Variants in ROBO2 observed in about 807,000 individuals in gnomAD.
The protein encoded by ROBO2 is roundabout guidance receptor 2, also known as roundabout homolog 2.
ROBO2 carries 53 observed loss-of-function variants against 160.8 expected under a neutral mutation model. The ratio of observed to expected loss-of-function variants is 0.33; its 90% CI spans 0.26 to 0.41. The LOEUF is 0.41. Among genes scored for constraint, ROBO2 ranks in the 10% least tolerant of loss-of-function variants. The pLI is 1.00. For synonymous variants in ROBO2, 664 were observed against 611.7 expected (o/e 1.09, Z -1.26); for missense variants, 1,577 against 1,722.4 (o/e 0.92, Z 1.49).
In ROBO2 at chr3:76,550,309, C is replaced by T. The variant is rs560280451; in HGVS notation, c.110-547705C>T. On this transcript the variant is annotated intron_variant, in intron 2 of 26. Coordinates refer to the ROBO2 transcript ENST00000487694. ...GAAAAGCAAAAATATGTGATAATGC[C>T]TTCTAAATATTTCCAGTTAGCATGT... is the stretch of plus-strand genomic sequence containing the variant. Among the ~76,000 whole-genome samples, 13 of 149,126 alleles carry T rather than the reference C, an allele frequency of 8.7e-5. No individual in the cohort carries two copies. The South Asian group carries it at 2.0e-3, about 23-fold the overall frequency.
intron 1 of ROBO2, among the ~76,000 whole-genome samples, chr3:75,915,679 T>C (rs1013751298): frequency 2.0e-5 from 3 of 152,146 alleles, no homozygotes; most frequent in African/African-American, 7.2e-5. Context: ...AGGACTCATG[T>C]TGAGGTGGCA....
At chr3:76,699,506 A>G (rs999249183) in intron 2 of ROBO2, among the ~76,000 whole-genome samples, 8 of 152,104 alleles carry the variant, frequency 5.3e-5, no homozygotes, top group African/African-American at 1.9e-4. Flanking sequence ...TGTACAAAAG[A>G]TCCCCATATT....
intron 2 of ROBO2, among the ~76,000 whole-genome samples, chr3:77,337,530 A>AT (rs1553914624): frequency 6.6e-6 from 1 of 152,180 alleles, no homozygotes; most frequent in Non-Finnish European, 1.5e-5. Context: ...AGTTTACAAT[A>AT]TTTTTCAAAA....
At chr3:76,224,746 C>CTTGTT (rs1260248125) in intron 2 of ROBO2, among the ~76,000 whole-genome samples, 1 of 151,812 alleles carries the variant, frequency 6.6e-6, no homozygotes, top group African/African-American at 2.4e-5. Flanking sequence ...CATTCCTGTT[C>CTTGTT]TTCTAGACTC....
rs1450397759 is a variant in ROBO2, at chr3:77,574,481, C to G, written c.1972-18C>G. Reference sequence around the variant, plus strand: ...ATACTTTCCTTTAGTTTCAAATGCCCTTAACTATGTTTTTCAGGTTGATCG... The same window carrying G: ...ATACTTTCCTTTAGTTTCAAATGCCGTTAACTATGTTTTTCAGGTTGATCG... On this transcript the variant is annotated intron_variant, in intron 13 of 25. Coordinates refer to ENST00000461745, the Ensembl canonical transcript of ROBO2. 6.2e-7 allele frequency: 1 copy of G among 1,603,426 alleles called. No individual in the cohort carries two copies. Among genetic ancestry groups the G allele is most frequent in the Non-Finnish European group, 8.5e-7 (1 of 1,170,858 alleles).
At chr3:76,469,178 G>T (rs1232785095) in intron 2 of ROBO2, among the ~76,000 whole-genome samples, 2 of 151,896 alleles carry the variant, frequency 1.3e-5, no homozygotes, top group Non-Finnish European at 2.9e-5. Context: ...TTTTGAATCT[G>T]TCTGCTCTCC....
Position 76,524,826 on chromosome 3 carries a change from T to TAAAAA in ROBO2, c.110-573152_110-573148dup, listed in dbSNP as rs58091252. 1.5e-3 allele frequency among the ~76,000 whole-genome samples: 32 copies of TAAAAA among 21,712 alleles called. 2 individuals are homozygous for TAAAAA. Among genetic ancestry groups the TAAAAA allele is most frequent in the African/African-American group, 1.7e-3 (12 of 7,036 alleles). 14.2% of individuals were successfully genotyped at this position (21,712 alleles called of 152,430 possible). A position where few individuals can be genotyped will look rare whatever the true frequency, so the allele number is the denominator to read the frequency against. Reference sequence around the variant, plus strand: ...TAAAAACCTATGACCCTCTTATTCCTAAAAAAAAAAAAAAAAAAAAAAAAA... The same window carrying TAAAAA: ...TAAAAACCTATGACCCTCTTATTCCTAAAAAAAAAAAAAAAAAAAAAAAAAAAAAA... On this transcript the variant is annotated intron_variant, in intron 2 of 26. Coordinates refer to the ROBO2 transcript ENST00000487694.
chr3:77,096,784 C>G (rs2071131320), intron 1 of ROBO2, among the ~76,000 whole-genome samples: 1 of 152,100 alleles, frequency 6.6e-6, no homozygotes, highest in South Asian at 2.1e-4. Flanking sequence ...TATGGCCCCA[C>G]TTTTATTGCA....
At chr3:77,134,889 A>T (rs1266754561) in intron 2 of ROBO2, among the ~76,000 whole-genome samples, 1 of 152,208 alleles carries the variant, frequency 6.6e-6, no homozygotes, top group African/African-American at 2.4e-5. Context: ...ATTTTCCTCT[A>T]CTGTGGATCA....
intron 2 of ROBO2, among the ~76,000 whole-genome samples, chr3:75,983,909 G>A (rs1028725393): frequency 6.6e-6 from 1 of 151,302 alleles, no homozygotes; most frequent in African/African-American, 2.4e-5. Context: ...CTTATTTTTG[G>A]CAGGGCTAAG....
intron 24 of ROBO2, 59 bp from the exon 27 acceptor site, chr3:77,644,645 G>A (rs2095393033): frequency 2.7e-6 from 4 of 1,477,058 alleles, no homozygotes; most frequent in East Asian, 2.3e-5. Flanking sequence ...CAAGAGTTAA[G>A]TTTAGTTTGC....
intron 2 of ROBO2, among the ~76,000 whole-genome samples, chr3:77,352,532 C>G (rs1444959632): frequency 6.6e-6 from 1 of 151,860 alleles, no homozygotes; most frequent in Non-Finnish European, 1.5e-5. Context: ...CTACGACATG[C>G]TTTTCTTGTT....
intron 2 of ROBO2, among the ~76,000 whole-genome samples, chr3:76,454,399 A>G (rs1443352666): frequency 6.6e-6 from 1 of 152,206 alleles, no homozygotes; most frequent in African/African-American, 2.4e-5. Context: ...ATTAGCATAG[A>G]TGGAGGTGTA....
intron 2 of ROBO2, among the ~76,000 whole-genome samples, chr3:76,361,728 A>T (rs1047867884): frequency 6.6e-6 from 1 of 152,128 alleles, no homozygotes; most frequent in Non-Finnish European, 1.5e-5. Flanking sequence ...TAGTATCTTC[A>T]TAAGAAATTC....
chr3:77,151,381 C>T lies in ROBO2; in HGVS notation c.388+53041C>T, dbSNP rs544904891. Among the ~76,000 whole-genome samples the T allele has an allele frequency of 7.9e-5, 12 of 152,194 alleles. No homozygotes were observed. In the South Asian group the frequency reaches 1.9e-3, roughly 24 times the overall value. ...GGTCTTCAGTGATAAATAGGAATCC[C>T]TTACTTAAGGGAGATGAAGTTTATT... is the stretch of plus-strand genomic sequence containing the variant. On this transcript the variant is annotated intron_variant, in intron 2 of 25. Coordinates refer to ENST00000461745, the Ensembl canonical transcript of ROBO2.
intron 2 of ROBO2, among the ~76,000 whole-genome samples, chr3:77,197,485 A>G (rs2082412601): frequency 6.6e-6 from 1 of 152,204 alleles, no homozygotes; most frequent in African/African-American, 2.4e-5. Context: ...AACAAGTTTG[A>G]TTATGGAATC....
At chr3:76,938,370 A>C (rs2077888124) in intron 2 of ROBO2, among the ~76,000 whole-genome samples, 1 of 128,196 alleles carries the variant, frequency 7.8e-6, no homozygotes, top group Non-Finnish European at 1.8e-5. Flanking sequence ...CCCCCCCCAA[A>C]AAAGGCTGCA....
At chr3:77,596,572 A>C (rs1418012053) in intron 18 of ROBO2, 51 bp from the exon 20 acceptor site, 1 of 1,612,138 alleles carries the variant, frequency 6.2e-7, no homozygotes, top group Non-Finnish European at 8.5e-7. Flanking sequence ...ACGAGTGTCA[A>C]AATCTTGCAT....
chr3:77,251,886 C>A (rs1483307998), intron 2 of ROBO2, among the ~76,000 whole-genome samples: 1 of 152,188 alleles, frequency 6.6e-6, no homozygotes, highest in African/African-American at 2.4e-5. Context: ...AAACCTTTTT[C>A]TTTATGAATT....
Sources: allele counts gnomAD v4.1 joint callset (sites outside exome capture counted in the v4.1 genomes callset), GRCh38; gene constraint gnomAD v4.1.1; transcripts MANE v1.5; gene names NCBI Gene and HGNC (gene_info 2026-07-23, HGNC 2026-07-21).